The following ANPEP variants were observed in gnomAD, a reference collection of about 807,000 sequenced individuals.
ANPEP encodes alanyl aminopeptidase, membrane, also known as aminopeptidase N.
A neutral mutation model predicts 114.6 loss-of-function variants in ANPEP; 70 were observed. That is an observed-to-expected ratio of 0.61 (90% confidence interval 0.50 to 0.75). ANPEP has a LOEUF of 0.75. Ranked by LOEUF, ANPEP falls within the 30% of genes least tolerant of loss-of-function variation. The probability of loss-of-function intolerance (pLI) is 0.00; values close to 1 mark genes in which losing one functional copy is unlikely to be tolerated. For synonymous variants in ANPEP, 548 were observed against 522.3 expected (o/e 1.05, Z -0.67); for missense variants, 1,184 against 1,259.5 (o/e 0.94, Z 0.91).
In ANPEP at chr15:89,792,743, G is replaced by A. The variant is rs181227670; in HGVS notation, c.2250-181C>T. On this transcript the variant is annotated intron_variant, in intron 16 of 20. Transcript: ENST00000300060. ...GTTCCTTGGTCCCCAAAGCAGCCCT[G>A]TGACCCAGAAGGGCAGGAACAGGCT... is the stretch of plus-strand genomic sequence containing the variant. 1.6e-4 allele frequency among the ~76,000 whole-genome samples: 24 copies of A among 152,228 alleles called. 1 individual carries two copies. Among genetic ancestry groups the A allele is most frequent in the Admixed American group, 9.8e-4 (15 of 15,298 alleles).
chr15:89,801,246 G>A (rs1894582850), intron 11 of ANPEP, 59 bp from the exon 12 acceptor site: 3 of 1,588,826 alleles, frequency 1.9e-6, no homozygotes, highest in Non-Finnish European at 1.7e-6. Context: ...CCAGTGAGGA[G>A]CAGCTGCCCA....
At position 89,803,263 on chromosome 15, in the gene ANPEP, CAGGTAG is replaced by C. The variant is rs780327801; in HGVS notation, c.1539_1544del (p.Ile513_Leu515delinsMet). 2.5e-6 allele frequency: 4 copies of C among 1,614,076 alleles called. No individual in the cohort carries two copies. The Admixed American group carries it at 6.7e-5, about 27-fold the overall frequency. On this transcript the variant is annotated inframe_deletion, in exon 10 of 21. Coordinates refer to ENST00000300060, the MANE Select transcript of ANPEP (RefSeq NM_001150.3). The surrounding 1 kb of genome is among the most constrained non-coding windows in gnomAD (Gnocchi z 4.2). Reference sequence around the variant, plus strand: ...CCTCCTGCAGGTGGTCCCACAGGTTCAGGTAGATGGTGTTCTGGTAGGCAAAGGTGT... The same window carrying C: ...CCTCCTGCAGGTGGTCCCACAGGTTCATGGTGTTCTGGTAGGCAAAGGTGT...
rs921354058 is a variant in ANPEP at position 89,801,710 on chromosome 15, G to A, written c.1570-103C>T. On this transcript the variant is annotated intron_variant, in intron 10 of 20. Coordinates refer to ENST00000300060, the MANE Select transcript of ANPEP (RefSeq NM_001150.3). ...TCGCCTCGACCCCGGGGGGCCACTT[G>A]TATGGGAGGCCTGGGAAGGGCACTG... 7.3e-6 allele frequency: 10 copies of A among 1,365,118 alleles called. No homozygotes were observed. The African/African-American group carries it at 1.3e-4, about 18-fold the overall frequency. The allele number at this position is 1,365,118 out of a possible 1,614,324, so 84.6% of individuals were successfully genotyped here. A position where few individuals can be genotyped will look rare whatever the true frequency, so the allele number is the denominator to read the frequency against.
At chr15:89,796,775 A>G (rs890034864) in intron 15 of ANPEP, among the ~76,000 whole-genome samples, 1 of 152,106 alleles carries the variant, frequency 6.6e-6, no homozygotes, top group Admixed American at 6.6e-5. Flanking sequence ...GATTACAGGC[A>G]TGAGCCCCAC....
chr15:89,790,372 C>A, intron 20 of ANPEP, 88 bp downstream of exon 20: 2 of 1,277,726 alleles, frequency 1.6e-6, no homozygotes, highest in Non-Finnish European at 2.3e-6. Context: ...GCCTGTGCTC[C>A]CTCAGGGCCA....
intron 16 of ANPEP, 94 bp downstream of exon 16, chr15:89,792,941 G>A (rs1450022777): frequency 8.1e-6 from 9 of 1,114,668 alleles, no homozygotes; most frequent in Non-Finnish European, 6.7e-6. Context: ...TGGTGCCCCC[G>A]CATTGAGAGC....
intron 16 of ANPEP, 88 bp from the exon 17 acceptor site, chr15:89,792,650 G>A (rs1968654719): frequency 5.0e-6 from 6 of 1,193,990 alleles, no homozygotes; most frequent in Non-Finnish European, 6.1e-6. Flanking sequence ...CCGGCACCCT[G>A]CCTAAGGCTC....
chr15:89,808,719 T>C (rs1442471919), intron 1 of ANPEP, among the ~76,000 whole-genome samples: 1 of 152,182 alleles, frequency 6.6e-6, no homozygotes, highest in Non-Finnish European at 1.5e-5. Context: ...CATGCCTTCC[T>C]GCTCCCTCAG....
At chr15:89,786,386 C>T (rs377161551) in intron 20 of ANPEP, among the ~76,000 whole-genome samples, 6 of 130,526 alleles carry the variant, frequency 4.6e-5, no homozygotes, top group Admixed American at 7.8e-5. Flanking sequence ...ATTTTAACTA[C>T]TTTTTTTTTT....
chr15:89,806,369 T>C lies in ANPEP; in HGVS notation c.215A>G (p.Asn72Ser). 6.2e-7 allele frequency: 1 copy of C among 1,614,150 alleles called. No individual in the cohort carries two copies. Among genetic ancestry groups the C allele is most frequent in the African/African-American group, 1.3e-5 (1 of 75,026 alleles). ...CAGCGTGTTGGGGAGGCGGTAACGA[T>C]TCCACGCTTTACTTTGGTCCAAGGT... ...ATTLDQSKAW[N>S]RYRLPNTLKP... The change falls in exon 2 of 21, where the codon AAT (asparagine) becomes AGT (serine). Residue 72 changes from asparagine (N) to serine (S), a missense_variant. Transcript: ENST00000300060. This position sits in a 1 kb window ranked among gnomAD's most constrained non-coding sequence, Gnocchi z 5.7.
At chr15:89,786,420 T>C (rs1251292091) in intron 20 of ANPEP, among the ~76,000 whole-genome samples, 1 of 144,254 alleles carries the variant, frequency 6.9e-6, no homozygotes, top group South Asian at 2.1e-4. Context: ...AATTGATCAG[T>C]GATCCTAAAA....
chr15:89,804,057 C>T (rs1596168631), intron 6 of ANPEP, 55 bp from the exon 7 acceptor site: 3 of 1,590,864 alleles, frequency 1.9e-6, no homozygotes, highest in Non-Finnish European at 1.7e-6. Context: ...CACTGAGAAT[C>T]CCCAGAACTA....
At chr15:89,804,104 G>A in intron 6 of ANPEP, 102 bp from the exon 7 acceptor site, 3 of 1,543,174 alleles carry the variant, frequency 1.9e-6, no homozygotes, top group East Asian at 2.3e-5. Context: ...GGCACAGTGG[G>A]GATTTCAACA....
intron 20 of ANPEP, among the ~76,000 whole-genome samples, chr15:89,786,038 T>A (rs1968501172): frequency 6.6e-6 from 1 of 152,176 alleles, no homozygotes; most frequent in Non-Finnish European, 1.5e-5. Flanking sequence ...AAAAATCTAT[T>A]AGAACTAATG....
chr15:89,785,960 C>T (rs899170319), intron 20 of ANPEP, among the ~76,000 whole-genome samples: 31 of 151,946 alleles, frequency 2.0e-4, no homozygotes, highest in Non-Finnish European at 1.2e-4. Context: ...GAAAGGAATC[C>T]AGAAAGGAAG....
intron 15 of ANPEP, among the ~76,000 whole-genome samples, chr15:89,794,867 C>G (rs1025654133): frequency 1.3e-5 from 2 of 152,284 alleles, no homozygotes; most frequent in East Asian, 3.9e-4. Flanking sequence ...TGCCTTGTCT[C>G]GAGAGAACAA....
intron 2 of ANPEP, 145 bp downstream of exon 2, chr15:89,805,825 C>T: frequency 1.7e-6 from 2 of 1,184,254 alleles, no homozygotes; most frequent in Non-Finnish European, 2.4e-6. Flanking sequence ...GCTGCTTTGC[C>T]AGCAGCTGGA....
At chr15:89,788,688 C>T (rs1344145562) in intron 20 of ANPEP, among the ~76,000 whole-genome samples, 1 of 152,152 alleles carries the variant, frequency 6.6e-6, no homozygotes, top group African/African-American at 2.4e-5. Flanking sequence ...GCAACCTCTG[C>T]CTTCCTGGTT....
At chr15:89,788,925 T>TGTTA (rs1365378795) in intron 20 of ANPEP, among the ~76,000 whole-genome samples, 1 of 151,974 alleles carries the variant, frequency 6.6e-6, no homozygotes, top group Non-Finnish European at 1.5e-5. Context: ...CACCCTACCT[T>TGTTA]GTTAGTTTAC....
Sources: gnomAD v4.1 joint callset for allele counts (sites outside exome capture counted in the v4.1 genomes callset) on GRCh38, gnomAD v4.1.1 for gene constraint, Gnocchi (gnomAD v3.1) non-coding constraint, MANE v1.5 for transcripts, NCBI Gene and HGNC (gene_info 2026-07-23, HGNC 2026-07-21) for gene names.